SLC9A9: variants seen among roughly 807,000 people sequenced by gnomAD.
The protein encoded by SLC9A9 is sodium/hydrogen exchanger 9.
Under a neutral mutation model 77.8 loss-of-function variants are expected in SLC9A9, and 62 were observed. The ratio of observed to expected loss-of-function variants is 0.80; its 90% confidence interval spans 0.65 to 0.98. The LOEUF is 0.98. SLC9A9 is among the 50% of genes least tolerant of loss of function. The pLI is 0.00. For missense variants in SLC9A9, 775 were observed against 774.9 expected, an observed-to-expected ratio of 1.00 and a Z score of 0.00; for synonymous variants, 320 against 283.5, an observed-to-expected ratio of 1.13 and a Z score of -1.29.
intron 14 of SLC9A9, among the ~76,000 whole-genome samples, chr3:143,274,455 G>A (rs1038315918): frequency 1.1e-4 from 16 of 152,230 alleles, no homozygotes; most frequent in African/African-American, 3.9e-4. Flanking sequence ...GTGGGGTGCT[G>A]GCAAATGGTT....
rs527239010 is a variant in SLC9A9, at chr3:143,512,646, G to C, written c.1090-17198C>G. On this transcript the variant is annotated intron_variant, in intron 9 of 15. Coordinates refer to ENST00000316549, the MANE Select transcript of SLC9A9 (RefSeq NM_173653.4). ...TAATCCCAGCACTTTGGGATGCCAA[G>C]GCGGGTGGATCACGAGGTCAGGAGT... Among the ~76,000 whole-genome samples, 28 of 152,364 alleles carry C rather than the reference G, an allele frequency of 1.8e-4. 1 individual carries two copies. Among genetic ancestry groups the C allele is most frequent in the African/African-American group, 6.5e-4 (27 of 41,590 alleles).
intron 9 of SLC9A9, among the ~76,000 whole-genome samples, chr3:143,548,985 C>A (rs969141680): frequency 6.6e-6 from 1 of 152,210 alleles, no homozygotes; most frequent in African/African-American, 2.4e-5. Flanking sequence ...GCTTCCTACA[C>A]TCTCATTAAA....
chr3:143,487,034 T>G (rs1363430219), intron 11 of SLC9A9, among the ~76,000 whole-genome samples: 1 of 152,000 alleles, frequency 6.6e-6, no homozygotes, highest in Non-Finnish European at 1.5e-5. Context: ...CTAAGGAGAC[T>G]GATTTTAGGT....
rs117286959 is a variant in SLC9A9 at position 143,765,732 on chromosome 3, T to C, written c.533+29269A>G. On this transcript the variant is annotated intron_variant, in intron 4 of 15. Coordinates refer to ENST00000316549, the MANE Select transcript of SLC9A9 (RefSeq NM_173653.4). ...TAATTAAGTTTTTATTCAGGATATA[T>C]GGTGAAATGATTGCATTAACAGCCC... is the stretch of plus-strand genomic sequence containing the variant. Among the ~76,000 whole-genome samples, 16 of 152,330 alleles carry C rather than the reference T, an allele frequency of 1.1e-4. No individual in the cohort carries two copies. The East Asian group carries it at 2.1e-3, about 20-fold the overall frequency.
intron 4 of SLC9A9, among the ~76,000 whole-genome samples, chr3:143,750,369 A>G (rs1026202553): frequency 1.3e-5 from 2 of 152,200 alleles, no homozygotes; most frequent in South Asian, 2.1e-4. Context: ...CTCTTGCATT[A>G]TATTTTTTAA....
intron 4 of SLC9A9, among the ~76,000 whole-genome samples, chr3:143,786,202 G>A (rs1297304675): frequency 6.6e-6 from 1 of 152,188 alleles, no homozygotes; most frequent in Non-Finnish European, 1.5e-5. Context: ...GAATCCTTAG[G>A]ATAGGTTGTT....
chr3:143,551,222 T>C (rs913734365), intron 9 of SLC9A9, among the ~76,000 whole-genome samples: 1 of 152,038 alleles, frequency 6.6e-6, no homozygotes, highest in African/African-American at 2.4e-5. Context: ...GAACAGATTC[T>C]CCTCCACAGC....
intron 6 of SLC9A9, among the ~76,000 whole-genome samples, chr3:143,606,432 C>CTATATATATATATATATATATA (rs1287074508): frequency 3.4e-5 from 2 of 58,714 alleles, no homozygotes; most frequent in Non-Finnish European, 6.3e-5. Flanking sequence ...CTCTCTCTCT[C>CTATATATATATATATATATATA]TCTCTATATA....
In SLC9A9 at chr3:143,661,416, A is replaced by G. The variant is rs547452805; in HGVS notation, c.650-9056T>C. Among the ~76,000 whole-genome samples, 8 of 152,086 alleles carry G rather than the reference A, an allele frequency of 5.3e-5. No homozygotes were observed. The South Asian group carries it at 1.7e-3, about 32-fold the overall frequency. On this transcript the variant is annotated intron_variant, in intron 5 of 15. Transcript: ENST00000316549. Reference sequence around the variant, plus strand: ...CTGTGAGGACACAGCCTTCCTCAGGATTTCTCCCTGGGTTTCCACACTGCT... The same window carrying G: ...CTGTGAGGACACAGCCTTCCTCAGGGTTTCTCCCTGGGTTTCCACACTGCT...
intron 5 of SLC9A9, among the ~76,000 whole-genome samples, chr3:143,659,778 T>C (rs1271465338): frequency 2.0e-5 from 3 of 152,238 alleles, no homozygotes; most frequent in Admixed American, 2.0e-4. Flanking sequence ...TTAACGTTAT[T>C]GATATAGTTT....
chr3:143,666,013 G>A (rs1477218139), intron 5 of SLC9A9, among the ~76,000 whole-genome samples: 2 of 152,080 alleles, frequency 1.3e-5, no homozygotes, highest in Non-Finnish European at 2.9e-5. Flanking sequence ...CTGAAGCTTG[G>A]CAGAGACACG....
intron 6 of SLC9A9, among the ~76,000 whole-genome samples, chr3:143,637,360 AG>A (rs1321832454): frequency 6.6e-6 from 1 of 152,258 alleles, no homozygotes; most frequent in African/African-American, 2.4e-5. Context: ...CTTTAACAAT[AG>A]ATTAGACAAA....
At chr3:143,682,342 T>C (rs1167873029) in intron 5 of SLC9A9, among the ~76,000 whole-genome samples, 1 of 152,164 alleles carries the variant, frequency 6.6e-6, no homozygotes, top group Non-Finnish European at 1.5e-5. Context: ...TTTGCTCTTT[T>C]ATAAAACAAG....
intron 15 of SLC9A9, among the ~76,000 whole-genome samples, chr3:143,267,815 T>G (rs993864344): frequency 1.3e-5 from 2 of 152,216 alleles, no homozygotes; most frequent in African/African-American, 2.4e-5. Context: ...CTTGAAAGAA[T>G]TAAGATCCCA....
intron 14 of SLC9A9, among the ~76,000 whole-genome samples, chr3:143,319,376 A>G (rs1463880975): frequency 6.6e-6 from 1 of 152,196 alleles, no homozygotes; most frequent in African/African-American, 2.4e-5. Flanking sequence ...AACAGTAGCT[A>G]ATGAGTGATA....
At chr3:143,506,762 A>T (rs1329187025) in intron 9 of SLC9A9, among the ~76,000 whole-genome samples, 2 of 152,092 alleles carry the variant, frequency 1.3e-5, no homozygotes, top group African/African-American at 4.8e-5. Flanking sequence ...TTTTCTCAGT[A>T]AATCTAATAG....
chr3:143,539,845 G>A (rs2036655523), intron 9 of SLC9A9, among the ~76,000 whole-genome samples: 1 of 151,432 alleles, frequency 6.6e-6, no homozygotes, highest in Non-Finnish European at 1.5e-5. Context: ...CTTTGATGAT[G>A]GTAGTTTTTG....
At chr3:143,331,096 AGGAT>A (rs1471375792) in intron 14 of SLC9A9, among the ~76,000 whole-genome samples, 1 of 152,158 alleles carries the variant, frequency 6.6e-6, no homozygotes, top group African/African-American at 2.4e-5. Context: ...GGGGTAAGAG[AGGAT>A]GGATGAACTA....
chr3:143,509,819 A>G (rs1001922509), intron 9 of SLC9A9, among the ~76,000 whole-genome samples: 1 of 152,210 alleles, frequency 6.6e-6, no homozygotes, highest in Non-Finnish European at 1.5e-5. Context: ...AGACTGTACT[A>G]TAGATATGTG....
Sources: gnomAD v4.1 joint callset for allele counts (sites outside exome capture counted in the v4.1 genomes callset) on GRCh38, gnomAD v4.1.1 for gene constraint, MANE v1.5 for transcripts, NCBI Gene and HGNC (gene_info 2026-07-23, HGNC 2026-07-21) for gene names.